TMEM114: variants seen among roughly 807,000 people sequenced by gnomAD.
TMEM114 encodes the protein transmembrane protein 114.
Under a neutral mutation model 6.2 loss-of-function variants are expected in TMEM114, and 6 were observed. The ratio of observed to expected loss-of-function variants is 0.97; its 90% confidence interval spans 0.53 to 1.91. The LOEUF is 1.91. TMEM114 is among the 40% of genes most tolerant of loss of function. The pLI is 0.01. For missense variants in TMEM114, 218 were observed against 158.3 expected, an observed-to-expected ratio of 1.38 and a Z score of -2.02; for synonymous variants, 104 against 73.0, an observed-to-expected ratio of 1.42 and a Z score of -2.16.
At chr16:8,535,753 G>T (rs944225831), downstream of TMEM114, among the ~76,000 whole-genome samples, 3 of 152,172 alleles carry the variant, frequency 2.0e-5, no homozygotes, top group Non-Finnish European at 2.9e-5. Flanking sequence ...TAAAGGTGAT[G>T]GTATGGGAGA....
At chr16:8,555,729 A>G (rs1900988522) in intron 2 of TMEM114, among the ~76,000 whole-genome samples, 1 of 152,188 alleles carries the variant, frequency 6.6e-6, no homozygotes, top group Non-Finnish European at 1.5e-5. Context: ...ACACCTGGCA[A>G]TATCTGGAGA....
chr16:8,528,508 C>G, the TMEM114 span, among the ~76,000 whole-genome samples: 1 of 152,134 alleles, frequency 6.6e-6, no homozygotes, highest in Non-Finnish European at 1.5e-5. Flanking sequence ...GGAGCATCTC[C>G]TGGAAGCCAG....
At chr16:8,565,328 A>G (rs1901504468), downstream of TMEM114, among the ~76,000 whole-genome samples, 1 of 152,182 alleles carries the variant, frequency 6.6e-6, no homozygotes. Flanking sequence ...GAGTGAGTAA[A>G]TGAATGGATG....
intron 2 of TMEM114, among the ~76,000 whole-genome samples, chr16:8,560,676 G>T (rs1596476812): frequency 6.6e-6 from 1 of 152,140 alleles, no homozygotes; most frequent in Admixed American, 6.5e-5. Context: ...CCTTCTGTGG[G>T]CCTCAGGCTC....
At chr16:8,541,335 G>C (rs1015841144) in intron 2 of TMEM114, among the ~76,000 whole-genome samples, 1 of 152,142 alleles carries the variant, frequency 6.6e-6, no homozygotes, top group Non-Finnish European at 1.5e-5. Flanking sequence ...AATGAGGACA[G>C]TCCAGGGTTA....
downstream of TMEM114, among the ~76,000 whole-genome samples, chr16:8,566,936 T>A (rs1279868465): frequency 7.4e-6 from 1 of 135,872 alleles, no homozygotes; most frequent in Non-Finnish European, 1.5e-5. Flanking sequence ...AGTCTCACTC[T>A]GTCACCCAGG....
At chr16:8,575,879 C>A (rs1277173986) in intron 2 of TMEM114, among the ~76,000 whole-genome samples, 2 of 152,184 alleles carry the variant, frequency 1.3e-5, no homozygotes, top group Non-Finnish European at 2.9e-5. Context: ...AAGCCTGTTA[C>A]AACCAAACAC....
chr16:8,563,564 A>G (rs1166837052), intron 2 of TMEM114, among the ~76,000 whole-genome samples: 1 of 150,086 alleles, frequency 6.7e-6, no homozygotes, highest in African/African-American at 2.5e-5. Flanking sequence ...TGAGTGACTG[A>G]GGGAGGGAGG....
At chr16:8,574,511 A>G (rs1901847670) in intron 2 of TMEM114, among the ~76,000 whole-genome samples, 1 of 152,130 alleles carries the variant, frequency 6.6e-6, no homozygotes, top group African/African-American at 2.4e-5. Context: ...CTGTCCTGTG[A>G]TAAAATGTGA....
intron 2 of TMEM114, among the ~76,000 whole-genome samples, chr16:8,561,581 T>C (rs553103739): frequency 2.0e-5 from 3 of 152,332 alleles, no homozygotes; most frequent in Admixed American, 1.3e-4. Context: ...GAAGTCACTG[T>C]TGAATGAATG....
chr16:8,576,882 G>C (rs1901956295), intron 2 of TMEM114, among the ~76,000 whole-genome samples: 1 of 152,206 alleles, frequency 6.6e-6, no homozygotes, highest in East Asian at 1.9e-4. Flanking sequence ...AATTCAGAAA[G>C]GAAGTTCACA....
intron 2 of TMEM114, among the ~76,000 whole-genome samples, chr16:8,575,926 C>A (rs1218190694): frequency 2.0e-5 from 3 of 152,194 alleles, no homozygotes; most frequent in Non-Finnish European, 4.4e-5. Flanking sequence ...TCCCATTCAT[C>A]AACAAGCCTC....
rs1156620370 is a variant in TMEM114, at chr16:8,590,058, C to T, written c.-220G>A. The T allele has an allele frequency of 1.9e-5, 7 of 377,212 alleles. No individual in the cohort carries two copies. The highest frequency in any genetic ancestry group is 9.4e-6 in the Non-Finnish European group (2 of 213,122). 23.4% of individuals were successfully genotyped at this position (377,212 alleles called of 1,614,324 possible). On this transcript the variant is annotated 5_prime_UTR_variant, in exon 1 of 4. Transcript: ENST00000620492. ...CCTGCACGCGCCCCCCGCTCAGCCG[C>T]CGTCCACGTTCCCACCCCTCCAATG...
chr16:8,549,450 C>T (rs1395102068), intron 2 of TMEM114, among the ~76,000 whole-genome samples: 5 of 139,612 alleles, frequency 3.6e-5, no homozygotes, highest in South Asian at 4.3e-4. Context: ...CAGTGAGCCA[C>T]GATTGAGCCA....
At chr16:8,570,128 G>C in intron 3 of TMEM114, 123 bp from the exon 4 acceptor site, 1 of 1,324,314 alleles carries the variant, frequency 7.6e-7, no homozygotes, top group Non-Finnish European at 1.0e-6. Flanking sequence ...TCCTGCTGCG[G>C]GACCTTTGCG....
At chr16:8,581,850 C>T (rs1180910146) in intron 2 of TMEM114, among the ~76,000 whole-genome samples, 2 of 152,138 alleles carry the variant, frequency 1.3e-5, no homozygotes, top group East Asian at 3.9e-4. Context: ...AAGCTCAGGC[C>T]CTTGTGCCCA....
At chr16:8,574,862 G>C (rs962760916) in intron 2 of TMEM114, among the ~76,000 whole-genome samples, 3 of 152,152 alleles carry the variant, frequency 2.0e-5, no homozygotes, top group African/African-American at 7.2e-5. Context: ...ACCCAGGAGA[G>C]AGCTATAAAA....
intron 2 of TMEM114, among the ~76,000 whole-genome samples, chr16:8,563,157 GTGAGTGAGTGAGTAAA>G (rs1204950941): frequency 8.6e-6 from 1 of 116,900 alleles, no homozygotes; most frequent in African/African-American, 3.5e-5. Context: ...GACTGAATGA[GTGAGTGAGTGAGTAAA>G]TGAGTGAGTG....
intron 2 of TMEM114, among the ~76,000 whole-genome samples, chr16:8,584,678 T>A (rs1364506466): frequency 1.3e-5 from 2 of 152,058 alleles, no homozygotes; most frequent in East Asian, 3.9e-4. Flanking sequence ...TCCCAGCACT[T>A]TGGGAGGCCG....
Sources: allele counts gnomAD v4.1 joint callset (sites outside exome capture counted in the v4.1 genomes callset), GRCh38; gene constraint gnomAD v4.1.1; transcripts MANE v1.5; gene names NCBI Gene and HGNC (gene_info 2026-07-23, HGNC 2026-07-21).